The following LIN52 variants were observed in gnomAD, a reference collection of about 807,000 sequenced individuals.
LIN52 encodes protein lin-52 homolog.
A neutral mutation model predicts 18.5 loss-of-function variants in LIN52; 4 were observed. That is an observed-to-expected ratio of 0.22 (90% CI 0.11 to 0.49). The LOEUF (loss-of-function observed/expected upper bound fraction) is 0.49, where lower values mean the gene tolerates loss of function less well. Ranked by LOEUF, LIN52 falls within the 20% of genes least tolerant of loss-of-function variation. The pLI, the probability that LIN52 is intolerant of heterozygous loss-of-function variation, is 0.97. For synonymous variants in LIN52, 34 were observed against 45.5 expected (o/e 0.75, Z 1.02); for missense variants, 102 against 139.5 (o/e 0.73, Z 1.35).
chr14:74,095,149 G>GCTTTT (rs1555379737), intron 2 of LIN52, among the ~76,000 whole-genome samples: 1 of 103,740 alleles, frequency 9.6e-6, no homozygotes, highest in South Asian at 3.8e-4. Context: ...CCAACTAACT[G>GCTTTT]TTTTTTTTTT....
intron 5 of LIN52, among the ~76,000 whole-genome samples, chr14:74,128,810 G>T (rs2061043060): frequency 6.6e-6 from 1 of 152,066 alleles, no homozygotes; most frequent in Admixed American, 6.6e-5. Flanking sequence ...CTGCTGTGGT[G>T]GTGCACGCCT....
At chr14:74,184,777 T>C (rs1036026359) in intron 5 of LIN52, among the ~76,000 whole-genome samples, 1 of 152,242 alleles carries the variant, frequency 6.6e-6, no homozygotes, top group African/African-American at 2.4e-5. Context: ...CTGAGGACTT[T>C]TTTAAAATAT....
chr14:74,159,391 C>T (rs1229914635), intron 5 of LIN52, among the ~76,000 whole-genome samples: 1 of 152,088 alleles, frequency 6.6e-6, no homozygotes, highest in East Asian at 1.9e-4. Flanking sequence ...CTCCTGCCTG[C>T]CTTTGTATAT....
chr14:74,179,811 G>A (rs1322871497), intron 5 of LIN52, among the ~76,000 whole-genome samples: 1 of 152,120 alleles, frequency 6.6e-6, no homozygotes, highest in Non-Finnish European at 1.5e-5. Flanking sequence ...TAAAATAAAA[G>A]CCTGCCTCCT....
In LIN52 at chr14:74,200,021, G is replaced by A. The variant is rs898186446; in HGVS notation, c.*1044G>A. 1 of 152,056 alleles carries A rather than the reference G, an allele frequency of 6.6e-6. No individual in the cohort carries two copies. The highest frequency in any genetic ancestry group is 2.4e-5 in the African/African-American group (1 of 41,398). The allele number at this position is 152,056 out of a possible 1,614,324, so 9.4% of individuals were successfully genotyped here. On this transcript the variant is annotated 3_prime_UTR_variant, in exon 6 of 6. Transcript: ENST00000555028. ...GTTAAAATCTGAAAATCTAGCCCATGGCTAAAATCTATTATATGTGTTCTC... is the reference window on the plus strand; with the variant it reads ...GTTAAAATCTGAAAATCTAGCCCATAGCTAAAATCTATTATATGTGTTCTC...
intron 5 of LIN52, among the ~76,000 whole-genome samples, chr14:74,167,563 G>A (rs1386667615): frequency 6.6e-6 from 1 of 152,160 alleles, no homozygotes; most frequent in African/African-American, 2.4e-5. Context: ...ACCATGCCTG[G>A]CCTATGTCCA....
At chr14:74,164,185 A>G (rs2061238763) in intron 5 of LIN52, among the ~76,000 whole-genome samples, 1 of 150,594 alleles carries the variant, frequency 6.6e-6, no homozygotes, top group African/African-American at 2.4e-5. Flanking sequence ...GTTTCACCGT[A>G]TTAGCTAGGA....
chr14:74,085,599 C>G (rs2060722828), intron 1 of LIN52: 1 of 152,206 alleles, frequency 6.6e-6, no homozygotes, highest in African/African-American at 2.4e-5. Context: ...TCGTCTTGCA[C>G]AGGTCGCAAC....
intron 5 of LIN52, among the ~76,000 whole-genome samples, chr14:74,105,984 A>C (rs7160897): frequency 0.22 from 34,160 of 152,070 alleles, 4,169 homozygotes; most frequent in South Asian, 0.46. Context: ...TTTGGTGTGC[A>C]AATTTTGGAA....
At chr14:74,167,549 A>T (rs2061254940) in intron 5 of LIN52, among the ~76,000 whole-genome samples, 1 of 152,190 alleles carries the variant, frequency 6.6e-6, no homozygotes, top group Non-Finnish European at 1.5e-5. Flanking sequence ...TACAGGTGTG[A>T]GCCACCATGC....
At chr14:74,194,097 T>C (rs975698086) in intron 5 of LIN52, among the ~76,000 whole-genome samples, 2 of 152,202 alleles carry the variant, frequency 1.3e-5, no homozygotes, top group African/African-American at 4.8e-5. Flanking sequence ...CTGGACAATC[T>C]TTCTGTAATA....
At chr14:74,152,729 AG>A (rs1276559779) in intron 5 of LIN52, among the ~76,000 whole-genome samples, 1 of 152,010 alleles carries the variant, frequency 6.6e-6, no homozygotes, top group Non-Finnish European at 1.5e-5. Flanking sequence ...TGCAAGGCCA[AG>A]GCAGGCAGAT....
chr14:74,111,315 C>T (rs1005363406), intron 5 of LIN52, among the ~76,000 whole-genome samples: 3 of 152,004 alleles, frequency 2.0e-5, no homozygotes, highest in Non-Finnish European at 2.9e-5. Flanking sequence ...TTTTTGGAGA[C>T]AGGGTCTCTG....
intron 5 of LIN52, among the ~76,000 whole-genome samples, chr14:74,182,586 C>A (rs1029390164): frequency 5.4e-5 from 8 of 147,478 alleles, no homozygotes; most frequent in African/African-American, 1.9e-4. Context: ...GCGAGGTCAT[C>A]ATTTACATAT....
At position 74,095,934 on chromosome 14, in the gene LIN52, G is replaced by A; in HGVS notation, c.95-14G>A. The stretch of plus-strand genomic sequence containing the variant: ...ATACTTATTGAATAAATAAAGTTTT[G>A]TTTTTCTTTTTAGTACCAGGTGTTG... On this transcript the variant is annotated splice_polypyrimidine_tract_variant and intron_variant, in intron 2 of 5. Coordinates refer to ENST00000555028, the MANE Select transcript of LIN52 (RefSeq NM_001024674.3). The A allele has an allele frequency of 6.3e-7, 1 of 1,589,310 alleles. No homozygotes were observed. Among genetic ancestry groups the A allele is most frequent in the East Asian group, 2.2e-5 (1 of 44,584 alleles).
intron 5 of LIN52, among the ~76,000 whole-genome samples, chr14:74,131,551 C>T (rs1399809478): frequency 2.6e-5 from 4 of 152,032 alleles, no homozygotes. Context: ...AACTCCTGAC[C>T]TCAGGTGATC....
At chr14:74,085,282 A>G (rs548820748) in intron 1 of LIN52, 9 of 325,174 alleles carry the variant, frequency 2.8e-5, no homozygotes, top group African/African-American at 1.5e-4. Flanking sequence ...CCTTATCTCT[A>G]TTTGGGCGAG....
intron 5 of LIN52, among the ~76,000 whole-genome samples, chr14:74,112,025 C>T (rs1566850543): frequency 6.6e-6 from 1 of 152,076 alleles, no homozygotes; most frequent in Non-Finnish European, 1.5e-5. Flanking sequence ...GGATTACAGG[C>T]ATACGCCACC....
At chr14:74,118,783 A>C (rs546350463) in intron 5 of LIN52, among the ~76,000 whole-genome samples, 1 of 152,258 alleles carries the variant, frequency 6.6e-6, no homozygotes, top group South Asian at 2.1e-4. Flanking sequence ...TCAAAACAAA[A>C]CACCTTTCTA....
Sources: gnomAD v4.1 joint callset for allele counts (sites outside exome capture counted in the v4.1 genomes callset) on GRCh38, gnomAD v4.1.1 for gene constraint, MANE v1.5 for transcripts, NCBI Gene and HGNC (gene_info 2026-07-23, HGNC 2026-07-21) for gene names.